The following SPG11 variants were observed in gnomAD, a reference collection of about 807,000 sequenced individuals.
The protein encoded by SPG11 is spatacsin.
A neutral mutation model predicts 274.0 loss-of-function variants in SPG11; 222 were observed. That is an observed-to-expected ratio of 0.81 (90% CI 0.73 to 0.91). The LOEUF (loss-of-function observed/expected upper bound fraction) is 0.91, where lower values mean the gene tolerates loss of function less well. Ranked by LOEUF, SPG11 falls within the 40% of genes least tolerant of loss-of-function variation. The probability of loss-of-function intolerance (pLI) is 0.00; values close to 1 mark genes in which losing one functional copy is unlikely to be tolerated. For synonymous variants in SPG11, 1,144 were observed against 1,039.7 expected, an observed-to-expected ratio of 1.10 and a Z score of -1.93; for missense variants, 3,114 against 2,872.7, an observed-to-expected ratio of 1.08 and a Z score of -1.92.
chr15:44,611,019 G>A (rs1595879113), intron 17 of SPG11, 34 bp from the exon 18 acceptor site: 3 of 1,428,646 alleles, frequency 2.1e-6, no homozygotes, highest in Non-Finnish European at 2.8e-6. Flanking sequence ...TTCTCCTTAA[G>A]AGGGATAAAT....
chr15:44,622,575 G>A, intron 12 of SPG11, 153 bp downstream of exon 12: 1 of 773,868 alleles, frequency 1.3e-6, no homozygotes, highest in Non-Finnish European at 2.1e-6. Flanking sequence ...AAAGATGAAG[G>A]GGAAAAAAAG....
intron 38 of SPG11, among the ~76,000 whole-genome samples, chr15:44,565,145 C>T (rs1456590400): frequency 3.3e-5 from 5 of 152,226 alleles, no homozygotes; most frequent in Non-Finnish European, 7.3e-5. Context: ...TGATAATCCA[C>T]TTCTTTAAAG....
chr15:44,588,596 C>A (rs1271187787), intron 28 of SPG11: 1 of 412,844 alleles, frequency 2.4e-6, no homozygotes. Context: ...GTTTGCATAG[C>A]TTCAGTGACA....
At chr15:44,627,949 C>T (rs919161647) in intron 10 of SPG11, among the ~76,000 whole-genome samples, 5 of 152,144 alleles carry the variant, frequency 3.3e-5, no homozygotes, top group Admixed American at 6.5e-5. Flanking sequence ...AGTCACACCA[C>T]GTACTTTAAT....
intron 7 of SPG11, among the ~76,000 whole-genome samples, chr15:44,646,253 G>A (rs2084607176): frequency 6.6e-6 from 1 of 152,134 alleles, no homozygotes; most frequent in East Asian, 1.9e-4. Flanking sequence ...TTGGCATTTA[G>A]GTTGGCAAAC....
At chr15:44,614,517 C>A (rs925103179) in intron 16 of SPG11, among the ~76,000 whole-genome samples, 1 of 152,174 alleles carries the variant, frequency 6.6e-6, no homozygotes, top group African/African-American at 2.4e-5. Context: ...AGCCACCGTG[C>A]CCGGCCAATT....
At chr15:44,633,281 C>T (rs1281674079) in intron 8 of SPG11, among the ~76,000 whole-genome samples, 1 of 119,684 alleles carries the variant, frequency 8.4e-6, no homozygotes, top group Non-Finnish European at 1.6e-5. Flanking sequence ...AGTGAGCTGT[C>T]ATCACCGCAC....
chr15:44,584,076 A>G lies in SPG11; in HGVS notation c.5604T>C (p.Asn1868=). 3 of 1,614,206 alleles carry G rather than the reference A, an allele frequency of 1.9e-6. No individual in the cohort carries two copies. Among genetic ancestry groups the G allele is most frequent in the Middle Eastern group, 1.6e-4 (1 of 6,062 alleles). Residue 1868 remains asparagine, a synonymous_variant, in exon 30 of 40, where the codon AAT becomes AAC. Coordinates refer to ENST00000261866, the MANE Select transcript of SPG11 (RefSeq NM_025137.4). ...ACTCCTGCTCTTTCCAATCCAATCT[A>G]TTCTCGCATGTCTCTTTGGATGGAA... ...NSLPSKETCE[N]RLDWKEQESL... is the part of the protein sequence containing the mutation.
chr15:44,566,726 T>G (rs1428148000), intron 36 of SPG11, among the ~76,000 whole-genome samples: 2 of 151,972 alleles, frequency 1.3e-5, no homozygotes, highest in Admixed American at 1.3e-4. Context: ...TGAGATGGAG[T>G]CACACTCTGT....
intron 34 of SPG11, among the ~76,000 whole-genome samples, chr15:44,569,744 T>G (rs939678277): frequency 6.8e-6 from 1 of 146,232 alleles, no homozygotes; most frequent in Non-Finnish European, 1.5e-5. Context: ...TGAGATGGAG[T>G]CTTGCTCTGT....
chr15:44,660,685 AGAAGGGTTG>A, intron 1 of SPG11, 69 bp from the exon 2 acceptor site: 2 of 1,445,522 alleles, frequency 1.4e-6, no homozygotes, highest in Non-Finnish European at 1.9e-6. Flanking sequence ...TGGTGGGGGT[AGAAGGGTTG>A]AATAAGTAGA....
intron 30 of SPG11, chr15:44,575,294 A>G: frequency 2.2e-6 from 1 of 464,114 alleles, no homozygotes; most frequent in Non-Finnish European, 4.0e-6. Context: ...TGCTCTAGAG[A>G]TCAGCACCAA....
chr15:44,622,346 A>C lies in SPG11; in HGVS notation c.2318T>G (p.Val773Gly), dbSNP rs182080501. The C allele has an allele frequency of 1.7e-4, 266 of 1,547,918 alleles. No homozygotes were observed. Among genetic ancestry groups the C allele is most frequent in the Non-Finnish European group, 2.2e-4 (254 of 1,131,952 alleles). The change falls in exon 13 of 40, where the codon GTT becomes GGT. Residue 773 changes from valine (V) to glycine (G), a missense_variant and splice_region_variant. By Grantham distance (109) the Val-to-Gly change is moderately radical. Coordinates refer to ENST00000261866, the MANE Select transcript of SPG11 (RefSeq NM_025137.4). ...TTNKNIRDFL[V>G]EILKEKNYFS... ...ATAATTTTTTTCTTTTAAAATTTCA[A>C]CCTTGAATAAAAAGTAATTAAAGCA... is the stretch of plus-strand genomic sequence containing the variant.
chr15:44,639,776 T>C (rs1230290850), intron 7 of SPG11, among the ~76,000 whole-genome samples: 4 of 152,170 alleles, frequency 2.6e-5, no homozygotes, highest in African/African-American at 7.2e-5. Flanking sequence ...TGATGTTATA[T>C]GTATATTAAC....
intron 9 of SPG11, 137 bp downstream of exon 9, chr15:44,629,096 C>G: frequency 9.6e-7 from 1 of 1,037,084 alleles, no homozygotes; most frequent in Non-Finnish European, 1.5e-6. Flanking sequence ...ATTTCACTTA[C>G]TCAACTACAC....
Position 44,563,074 on chromosome 15 carries a change from G to A in SPG11, c.*47C>T, listed in dbSNP as rs1156547128. 2 of 1,574,566 alleles carry A rather than the reference G, an allele frequency of 1.3e-6. No individual in the cohort carries two copies. The highest frequency in any genetic ancestry group is 2.2e-5 in the East Asian group (1 of 44,684). On this transcript the variant is annotated 3_prime_UTR_variant, in exon 40 of 40. Coordinates refer to ENST00000261866, the MANE Select transcript of SPG11 (RefSeq NM_025137.4). ...ATGCATTCTTCTTCTCATCACATCT[G>A]TCAGAATCTGCTAACAGTACAAGAA... is the stretch of plus-strand genomic sequence containing the variant.
In SPG11 at chr15:44,600,428, A is replaced by G. The variant is rs1364776532; in HGVS notation, c.3686+39T>C. ...CAAAGTGCTGGGATTACAGGTGTGA[A>G]CCACTGTACCCAGACAAAATTATAT... On this transcript the variant is annotated intron_variant, in intron 21 of 39. Coordinates refer to ENST00000261866, the MANE Select transcript of SPG11 (RefSeq NM_025137.4). 3 of 1,610,304 alleles carry G rather than the reference A, an allele frequency of 1.9e-6. No individual in the cohort carries two copies. In the Admixed American group the frequency reaches 5.0e-5, roughly 27 times the overall value.
intron 7 of SPG11, among the ~76,000 whole-genome samples, chr15:44,645,319 C>A (rs927129962): frequency 7.9e-5 from 12 of 152,132 alleles, no homozygotes; most frequent in Non-Finnish European, 1.8e-4. Context: ...AAGCCACACA[C>A]CTACAGCCAT....
chr15:44,619,477 C>G (rs139016831), intron 15 of SPG11, among the ~76,000 whole-genome samples: 41 of 152,242 alleles, frequency 2.7e-4, no homozygotes, highest in African/African-American at 9.4e-4. Context: ...AGAGCTACTT[C>G]CCCTCATTAT....
Sources: gnomAD v4.1 joint callset for allele counts (sites outside exome capture counted in the v4.1 genomes callset) on GRCh38, gnomAD v4.1.1 for gene constraint, MANE v1.5 for transcripts, NCBI Gene and HGNC (gene_info 2026-07-23, HGNC 2026-07-21) for gene names.